LIMA1: variants seen among roughly 807,000 people sequenced by gnomAD.
LIMA1 encodes the protein LIM domain and actin-binding protein 1.
A neutral mutation model predicts 62.6 loss-of-function variants in LIMA1; 52 were observed. The ratio of observed to expected loss-of-function variants is 0.83; its 90% CI spans 0.67 to 1.05. The LOEUF (loss-of-function observed/expected upper bound fraction) is 1.05. Ranked by LOEUF, LIMA1 falls within the 50% of genes least tolerant of loss-of-function variation. The pLI is 0.00. For synonymous variants in LIMA1, 302 were observed against 317.8 expected, an observed-to-expected ratio of 0.95 and a Z score of 0.53; for missense variants, 780 against 902.2, an observed-to-expected ratio of 0.86 and a Z score of 1.74.
intron 1 of LIMA1, among the ~76,000 whole-genome samples, chr12:50,269,555 TCTGATCAAAGAC>T (rs1480712464): frequency 6.6e-6 from 1 of 152,180 alleles, no homozygotes; most frequent in Non-Finnish European, 1.5e-5. Context: ...GAACACCAGA[TCTGATCAAAGAC>T]CTGACACCAT....
intron 1 of LIMA1, among the ~76,000 whole-genome samples, chr12:50,281,782 T>C (rs1942342792): frequency 6.6e-6 from 1 of 152,086 alleles, no homozygotes; most frequent in African/African-American, 2.4e-5. Context: ...TACTCAGAGG[T>C]TTTTGTTTTT....
At chr12:50,215,632 G>T (rs1184971751) in intron 4 of LIMA1, among the ~76,000 whole-genome samples, 2 of 152,032 alleles carry the variant, frequency 1.3e-5, no homozygotes, top group African/African-American at 4.8e-5. Context: ...ACCACGCCCG[G>T]CTAATTTTTT....
intron 3 of LIMA1, chr12:50,224,339 G>A (rs964328329): frequency 1.3e-5 from 2 of 152,214 alleles, no homozygotes; most frequent in African/African-American, 4.8e-5. Context: ...AGAACTGCTT[G>A]ATTCTAGTGT....
chr12:50,241,063 G>C (rs1941769815), intron 2 of LIMA1, among the ~76,000 whole-genome samples: 1 of 152,170 alleles, frequency 6.6e-6, no homozygotes, highest in Non-Finnish European at 1.5e-5. Context: ...TGGTAATCTT[G>C]ACAATCCTCT....
At chr12:50,181,850 G>C in intron 10 of LIMA1, 54 bp downstream of exon 10, 1 of 1,596,316 alleles carries the variant, frequency 6.3e-7, no homozygotes, top group Non-Finnish European at 8.6e-7. Context: ...AAAAGCCAAA[G>C]ACTCCCTCTA....
Position 50,279,687 on chromosome 12 carries a change from T to G in LIMA1, c.-24+3733A>C, listed in dbSNP as rs377189778. 2.4e-4 allele frequency among the ~76,000 whole-genome samples: 36 copies of G among 152,274 alleles called. No homozygotes were observed. In the East Asian group the frequency reaches 3.5e-3, roughly 15 times the overall value. ...AAATGAAAGGAAGAACTAGACAAGTTGTTCACTTGGTCAGTTATTGCCAAG... is the reference window on the plus strand; with the variant it reads ...AAATGAAAGGAAGAACTAGACAAGTGGTTCACTTGGTCAGTTATTGCCAAG... On this transcript the variant is annotated intron_variant, in intron 1 of 10. Transcript: ENST00000341247.
At chr12:50,225,829 C>T (rs1407257202) in intron 3 of LIMA1, among the ~76,000 whole-genome samples, 2 of 152,182 alleles carry the variant, frequency 1.3e-5, no homozygotes, top group Admixed American at 1.3e-4. Context: ...TAGGTGTAAG[C>T]CACCATGCCT....
At chr12:50,235,176 C>T (rs1408811195) in intron 2 of LIMA1, among the ~76,000 whole-genome samples, 1 of 152,004 alleles carries the variant, frequency 6.6e-6, no homozygotes, top group African/African-American at 2.4e-5. Flanking sequence ...TCAAGTGATC[C>T]TCCTGTCTCA....
chr12:50,178,334 C>T (rs1221550309), intron 10 of LIMA1, among the ~76,000 whole-genome samples: 2 of 151,954 alleles, frequency 1.3e-5, no homozygotes, highest in Non-Finnish European at 2.9e-5. Flanking sequence ...ATCGCTTGAG[C>T]CCAGGAGTTT....
chr12:50,244,897 A>G (rs1941827018), intron 2 of LIMA1, among the ~76,000 whole-genome samples: 1 of 152,166 alleles, frequency 6.6e-6, no homozygotes, highest in African/African-American at 2.4e-5. Context: ...GAAGAAAGTG[A>G]GGCCAGGAAG....
rs551218059 is a variant in LIMA1, at chr12:50,192,623, C to T, written c.1031-62G>A. Reference sequence around the variant, plus strand: ...CTCATGGAATGTCTTGGAAAGTGTTCTTCCGAAAAGCAAAGTTTGGGCACT... The same window carrying T: ...CTCATGGAATGTCTTGGAAAGTGTTTTTCCGAAAAGCAAAGTTTGGGCACT... On this transcript the variant is annotated intron_variant, in intron 8 of 10. Coordinates refer to ENST00000341247, the MANE Select transcript of LIMA1 (RefSeq NM_016357.5). 51 of 1,341,146 alleles carry T rather than the reference C, an allele frequency of 3.8e-5. No individual in the cohort carries two copies. In the East Asian group the frequency reaches 8.5e-4, roughly 22 times the overall value. The allele number at this position is 1,341,146 out of a possible 1,614,324, so 83.1% of individuals were successfully genotyped here.
intron 2 of LIMA1, among the ~76,000 whole-genome samples, chr12:50,243,717 C>T (rs192163812): frequency 6.6e-6 from 1 of 152,236 alleles, no homozygotes. Flanking sequence ...TCCAAGCCTA[C>T]CAAATAACTC....
intron 3 of LIMA1, among the ~76,000 whole-genome samples, chr12:50,226,909 C>T (rs117211078): frequency 3.0e-5 from 4 of 134,254 alleles, no homozygotes; most frequent in Non-Finnish European, 4.8e-5. Context: ...AATTCTTTTT[C>T]TTTTTTTTTT....
chr12:50,222,203 C>T lies in LIMA1; in HGVS notation c.448G>A (p.Asp150Asn). Residue 150 changes from aspartate to asparagine, a missense_variant, in exon 4 of 11, where the codon GAT becomes AAT. By Grantham distance (23) the Asp-to-Asn change is conservative. Transcript: ENST00000341247. ...CTTTCTGTTGAGTGGTCTTTAAGAT[C>T]CTCACCGTCCTTGATGTGGGGATAT... is the stretch of plus-strand genomic sequence containing the variant. ...GRYPHIKDGEDLKDHSTESKK... is the reference protein window; with the variant it reads ...GRYPHIKDGENLKDHSTESKK... The T allele has an allele frequency of 1.2e-6, 2 of 1,614,186 alleles. No homozygotes were observed. Among genetic ancestry groups the T allele is most frequent in the Non-Finnish European group, 1.7e-6 (2 of 1,180,040 alleles).
intron 6 of LIMA1, 30 bp from the exon 7 acceptor site, chr12:50,200,914 T>A (rs778231848): frequency 1.2e-6 from 2 of 1,608,534 alleles, no homozygotes; most frequent in Non-Finnish European, 8.5e-7. Flanking sequence ...GTAAAAATTT[T>A]TTTAAAGTCC....
chr12:50,230,767 C>T (rs71465002), intron 3 of LIMA1, among the ~76,000 whole-genome samples: 48,740 of 151,650 alleles, frequency 0.32, 8,093 homozygotes, highest in South Asian at 0.48. Flanking sequence ...TTAGTACAGA[C>T]GGGGTTTCAC....
At chr12:50,280,454 G>A (rs996036708) in intron 1 of LIMA1, among the ~76,000 whole-genome samples, 4 of 152,064 alleles carry the variant, frequency 2.6e-5, no homozygotes, top group Admixed American at 6.5e-5. Flanking sequence ...CACCGCGCCC[G>A]GCCCAGGGTA....
intron 1 of LIMA1, among the ~76,000 whole-genome samples, chr12:50,259,519 T>C (rs1942039084): frequency 6.6e-6 from 1 of 152,218 alleles, no homozygotes; most frequent in African/African-American, 2.4e-5. Context: ...CCAAGACTAG[T>C]TATGAGGAAG....
intron 4 of LIMA1, chr12:50,217,741 A>C: frequency 3.1e-6 from 1 of 322,770 alleles, no homozygotes; most frequent in South Asian, 2.9e-5. Context: ...GGGCTTCATG[A>C]CCTTGATTCC....
Sources: gnomAD v4.1 joint callset for allele counts (sites outside exome capture counted in the v4.1 genomes callset) on GRCh38, gnomAD v4.1.1 for gene constraint, MANE v1.5 for transcripts, NCBI Gene and HGNC (gene_info 2026-07-23, HGNC 2026-07-21) for gene names.